Variants in LRMDA observed in about 807,000 individuals in gnomAD.
LRMDA encodes the protein leucine-rich melanocyte differentiation-associated protein.
Under a neutral mutation model 29.8 loss-of-function variants are expected in LRMDA, and 18 were observed. That is an observed-to-expected ratio of 0.60 (90% confidence interval 0.42 to 0.90). LRMDA has a LOEUF of 0.90. Ranked by LOEUF, LRMDA falls within the 40% of genes least tolerant of loss-of-function variation. LRMDA has a pLI of 0.00. For missense variants in LRMDA, 273 were observed against 273.9 expected, an observed-to-expected ratio of 1.00 and a Z score of 0.02; for synonymous variants, 125 against 109.4, an observed-to-expected ratio of 1.14 and a Z score of -0.89.
At position 75,688,804 on chromosome 10, in the gene LRMDA, C is replaced by T. The variant is rs915625891; in HGVS notation, c.131+250310C>T. Among the ~76,000 whole-genome samples the T allele has an allele frequency of 1.8e-4, 28 of 152,328 alleles. 1 individual carries two copies. Among genetic ancestry groups the T allele is most frequent in the African/African-American group, 5.5e-4 (23 of 41,552 alleles). On this transcript the variant is annotated intron_variant, in intron 2 of 6. Transcript: ENST00000611255. The stretch of plus-strand genomic sequence containing the variant: ...AGCCACCCCAGCCTTCAGCAGCCAA[C>T]ATCCTGATCAGTCAGCAGCCATCAA...
chr10:75,774,316 G>A (rs1285616940), intron 2 of LRMDA, among the ~76,000 whole-genome samples: 1 of 151,844 alleles, frequency 6.6e-6, no homozygotes, highest in Non-Finnish European at 1.5e-5. Flanking sequence ...GTATAATTTT[G>A]AAATTATGAG....
chr10:75,747,297 T>A (rs901726736), intron 2 of LRMDA, among the ~76,000 whole-genome samples: 1 of 152,188 alleles, frequency 6.6e-6, no homozygotes, highest in Non-Finnish European at 1.5e-5. Flanking sequence ...AAGTCGAATA[T>A]AATTCCTGTC....
chr10:75,831,716 T>A (rs1275616959), intron 2 of LRMDA, among the ~76,000 whole-genome samples: 1 of 152,206 alleles, frequency 6.6e-6, no homozygotes, highest in Non-Finnish European at 1.5e-5. Context: ...CAGCAAACTT[T>A]TGCCTGGGCA....
At chr10:75,432,380 C>T (rs1220145525) in intron 1 of LRMDA, among the ~76,000 whole-genome samples, 1 of 152,198 alleles carries the variant, frequency 6.6e-6, no homozygotes, top group Non-Finnish European at 1.5e-5. Context: ...GAACAGGAGT[C>T]TGTGATGAAT....
chr10:76,144,695 G>T (rs1850276867), intron 5 of LRMDA, among the ~76,000 whole-genome samples: 2 of 151,926 alleles, frequency 1.3e-5, no homozygotes, highest in African/African-American at 4.8e-5. Flanking sequence ...TCCTTCTCCT[G>T]CCTGATTGCC....
At chr10:76,014,358 C>A (rs1564630622) in intron 2 of LRMDA, among the ~76,000 whole-genome samples, 2 of 151,796 alleles carry the variant, frequency 1.3e-5, no homozygotes, top group Admixed American at 1.3e-4. Flanking sequence ...AGTAACCCAC[C>A]TCATACTATA....
chr10:76,370,247 A>C (rs969661965), intron 6 of LRMDA, among the ~76,000 whole-genome samples: 11 of 152,052 alleles, frequency 7.2e-5, no homozygotes, highest in Non-Finnish European at 1.3e-4. Flanking sequence ...GTAAAAAAAA[A>C]CAAAACAAAC....
At chr10:75,842,915 G>A (rs775255811) in intron 2 of LRMDA, among the ~76,000 whole-genome samples, 9 of 152,098 alleles carry the variant, frequency 5.9e-5, no homozygotes, top group Non-Finnish European at 1.3e-4. Context: ...CAGCTACTGG[G>A]AAGGCTGAAG....
At chr10:75,936,378 G>A (rs1846293461) in intron 2 of LRMDA, among the ~76,000 whole-genome samples, 1 of 152,118 alleles carries the variant, frequency 6.6e-6, no homozygotes, top group South Asian at 2.1e-4. Context: ...AAATTCTGGA[G>A]GGAAAAGGTT....
chr10:75,818,684 C>T (rs952411993), intron 2 of LRMDA, among the ~76,000 whole-genome samples: 3 of 152,152 alleles, frequency 2.0e-5, no homozygotes, highest in Admixed American at 2.0e-4. Context: ...GTGTTCTTTC[C>T]AAACCGGATC....
intron 2 of LRMDA, among the ~76,000 whole-genome samples, chr10:75,603,503 A>G (rs991270815): frequency 1.3e-5 from 2 of 152,214 alleles, no homozygotes; most frequent in East Asian, 3.8e-4. Context: ...GAAGTGTAAA[A>G]TGGAACACTG....
intron 2 of LRMDA, among the ~76,000 whole-genome samples, chr10:75,490,998 C>T (rs762854674): frequency 5.3e-5 from 8 of 152,052 alleles, no homozygotes; most frequent in African/African-American, 1.7e-4. Context: ...GTCTAGTGGA[C>T]GAAGATAGTT....
intron 2 of LRMDA, among the ~76,000 whole-genome samples, chr10:75,514,662 G>C (rs776142250): frequency 1.3e-5 from 2 of 152,014 alleles, no homozygotes; most frequent in African/African-American, 2.4e-5. Flanking sequence ...AAAGAGGCTG[G>C]TATCTCCCTC....
intron 5 of LRMDA, among the ~76,000 whole-genome samples, chr10:76,170,010 G>A (rs1850806701): frequency 6.6e-6 from 1 of 152,156 alleles, no homozygotes; most frequent in Non-Finnish European, 1.5e-5. Flanking sequence ...GTGTCCTAGA[G>A]TATGCAGAGA....
At chr10:75,581,194 A>G (rs1053544766) in intron 2 of LRMDA, among the ~76,000 whole-genome samples, 1 of 152,258 alleles carries the variant, frequency 6.6e-6, no homozygotes, top group African/African-American at 2.4e-5. Context: ...AATACCCAGA[A>G]TCTATGAAGA....
At chr10:75,518,512 T>C (rs556897409) in intron 2 of LRMDA, among the ~76,000 whole-genome samples, 1 of 152,234 alleles carries the variant, frequency 6.6e-6, no homozygotes, top group African/African-American at 2.4e-5. Flanking sequence ...TATTCTCTGA[T>C]GGTAGTTTGT....
chr10:76,314,772 G>T (rs1236152935), intron 5 of LRMDA, among the ~76,000 whole-genome samples: 1 of 152,160 alleles, frequency 6.6e-6, no homozygotes, highest in Non-Finnish European at 1.5e-5. Context: ...TTGTAAGCCA[G>T]TACAGGTTAA....
chr10:76,035,262 A>G (rs1848221184), intron 2 of LRMDA, among the ~76,000 whole-genome samples: 1 of 152,102 alleles, frequency 6.6e-6, no homozygotes, highest in African/African-American at 2.4e-5. Context: ...GCTTTGAAGC[A>G]GCAATTCTCC....
At chr10:76,316,656 T>C (rs1365550635) in intron 5 of LRMDA, among the ~76,000 whole-genome samples, 1 of 152,238 alleles carries the variant, frequency 6.6e-6, no homozygotes, top group Non-Finnish European at 1.5e-5. Context: ...ACAATGTTTA[T>C]AAAATGCCTG....
Sources: allele counts gnomAD v4.1 joint callset (sites outside exome capture counted in the v4.1 genomes callset), GRCh38; gene constraint gnomAD v4.1.1; transcripts MANE v1.5; gene names NCBI Gene and HGNC (gene_info 2026-07-23, HGNC 2026-07-21).